The following ZNF704 variants were observed in gnomAD, a reference collection of about 807,000 sequenced individuals.
The protein encoded by ZNF704 is glucocorticoid induced gene 1.
Under a neutral mutation model 44.7 loss-of-function variants are expected in ZNF704, and 10 were observed. The ratio of observed to expected loss-of-function variants is 0.22; its 90% CI spans 0.14 to 0.38. The LOEUF (loss-of-function observed/expected upper bound fraction) is 0.38, where lower values mean the gene tolerates loss of function less well. ZNF704 is among the 10% of genes least tolerant of loss of function. ZNF704 has a pLI of 1.00. For missense variants in ZNF704, 390 were observed against 545.5 expected, an observed-to-expected ratio of 0.71 and a Z score of 2.84; for synonymous variants, 211 against 207.6, an observed-to-expected ratio of 1.02 and a Z score of -0.14.
chr8:80,650,087 C>G (rs906469221), intron 7 of ZNF704, among the ~76,000 whole-genome samples: 1 of 152,210 alleles, frequency 6.6e-6, no homozygotes, highest in African/African-American at 2.4e-5. Flanking sequence ...CTCCAACAGA[C>G]CTGCAGCTGA....
chr8:80,861,991 C>CTTTTTTTTTTTTTTTT (rs71266093), intron 1 of ZNF704, among the ~76,000 whole-genome samples: 1 of 92,996 alleles, frequency 1.1e-5, no homozygotes, highest in African/African-American at 5.4e-5. Context: ...AAAAAATAAC[C>CTTTTTTTTTTTTTTTT]TTTTTTTTTT....
chr8:80,725,532 C>CA (rs1326640994), intron 2 of ZNF704, among the ~76,000 whole-genome samples: 1 of 152,012 alleles, frequency 6.6e-6, no homozygotes, highest in Admixed American at 6.6e-5. Flanking sequence ...TTTGGAGTCT[C>CA]AGATACATAG....
rs976390507 is a variant in ZNF704 at position 80,632,501 on chromosome 8, A to T, written c.*8865T>A. On this transcript the variant is annotated 3_prime_UTR_variant, in exon 9 of 9. Coordinates refer to ENST00000327835, the MANE Select transcript of ZNF704 (RefSeq NM_001033723.3). ...CCACTGCATCTGGCCAATTCTGGTT[A>T]ATTTTCTGAATTAAAAATTTAGGGA... The T allele has an allele frequency of 2.6e-5, 4 of 152,172 alleles. No homozygotes were observed. 9.4% of individuals were successfully genotyped at this position (152,172 alleles called of 1,614,324 possible). A position where few individuals can be genotyped will look rare whatever the true frequency, so the allele number is the denominator to read the frequency against.
chr8:80,782,313 C>T (rs1047213212), intron 2 of ZNF704, among the ~76,000 whole-genome samples: 17 of 152,174 alleles, frequency 1.1e-4, no homozygotes, highest in African/African-American at 3.4e-4. Flanking sequence ...TAATTGTCTG[C>T]ATTTACATTT....
chr8:80,690,731 A>G (rs11993848), intron 3 of ZNF704, among the ~76,000 whole-genome samples: 16,583 of 152,272 alleles, frequency 0.11, 3,051 homozygotes, highest in African/African-American at 0.38. Context: ...GGTGTCGGCT[A>G]GGTATGGTGG....
chr8:80,859,667 A>C (rs888475682), intron 1 of ZNF704, among the ~76,000 whole-genome samples: 5 of 151,750 alleles, frequency 3.3e-5, no homozygotes, highest in Non-Finnish European at 7.4e-5. Flanking sequence ...TTATTTTTAC[A>C]CCGTGTTCTC....
intron 2 of ZNF704, among the ~76,000 whole-genome samples, chr8:80,700,345 A>G (rs1209448751): frequency 6.6e-6 from 1 of 152,216 alleles, no homozygotes. Flanking sequence ...TTTAATCCCC[A>G]AAACCTCCAT....
intron 2 of ZNF704, among the ~76,000 whole-genome samples, chr8:80,722,559 C>T (rs576065336): frequency 8.5e-5 from 13 of 152,242 alleles, no homozygotes; most frequent in Admixed American, 7.2e-4. Context: ...TATTTAAAAG[C>T]AAAAGAAGTA....
intron 5 of ZNF704, among the ~76,000 whole-genome samples, chr8:80,666,914 T>C (rs1818204033): frequency 1.3e-5 from 2 of 151,970 alleles, no homozygotes; most frequent in Admixed American, 1.3e-4. Flanking sequence ...ATTTTGTAGG[T>C]TGCCTGTTCA....
chr8:80,843,154 T>A (rs911661415), intron 1 of ZNF704, among the ~76,000 whole-genome samples: 2 of 152,260 alleles, frequency 1.3e-5, no homozygotes, highest in Non-Finnish European at 2.9e-5. Context: ...GCAAGAAATT[T>A]ATTATTCATT....
chr8:80,720,433 A>G (rs949001921), intron 2 of ZNF704, among the ~76,000 whole-genome samples: 3 of 152,242 alleles, frequency 2.0e-5, no homozygotes, highest in Non-Finnish European at 4.4e-5. Context: ...TTTCAAGACT[A>G]GTTTATGCAA....
chr8:80,873,685 ATCC>A (rs1809301197), intron 1 of ZNF704: 1 of 153,956 alleles, frequency 6.5e-6, no homozygotes, highest in Non-Finnish European at 1.4e-5. Flanking sequence ...CCTCGTCGTC[ATCC>A]TCCTCCTCCG....
chr8:80,845,855 G>A (rs1327516781), intron 1 of ZNF704, among the ~76,000 whole-genome samples: 1 of 152,048 alleles, frequency 6.6e-6, no homozygotes, highest in East Asian at 1.9e-4. Flanking sequence ...ATCATCAAGG[G>A]ACAGGGAAGC....
chr8:80,652,387 T>C (rs1357835087), intron 7 of ZNF704, among the ~76,000 whole-genome samples: 2 of 152,068 alleles, frequency 1.3e-5, no homozygotes, highest in African/African-American at 4.8e-5. Flanking sequence ...GAGCTGTTTT[T>C]TTTAAAAGAT....
rs138692218 is a variant in ZNF704, at chr8:80,862,567, C to A, written c.-22+12004G>T. 7.6e-3 allele frequency among the ~76,000 whole-genome samples: 1,066 copies of A among 140,330 alleles called. 13 individuals are homozygous for A. The highest frequency in any genetic ancestry group is 0.028 in the African/African-American group (988 of 35,060). The allele number at this position is 140,330 out of a possible 152,430, so 92.1% of individuals were successfully genotyped here. On this transcript the variant is annotated intron_variant, in intron 1 of 8. Coordinates refer to ENST00000327835, the MANE Select transcript of ZNF704 (RefSeq NM_001033723.3). The stretch of plus-strand genomic sequence containing the variant: ...CTGAGGGCGAGAGTTCGAGACCAGC[C>A]TGGTCAACATGATGAAAACTTGTCT...
chr8:80,765,691 A>G (rs961671805), intron 2 of ZNF704, among the ~76,000 whole-genome samples: 1 of 152,170 alleles, frequency 6.6e-6, no homozygotes, highest in Admixed American at 6.5e-5. Context: ...TAGGGATTTT[A>G]CAGTTTAGGG....
intron 2 of ZNF704, among the ~76,000 whole-genome samples, chr8:80,761,721 A>G (rs1316031357): frequency 1.3e-5 from 2 of 152,256 alleles, no homozygotes; most frequent in East Asian, 1.9e-4. Context: ...TTGTAAGCAT[A>G]AACACTCAGG....
chr8:80,702,563 A>C (rs1346890533), intron 2 of ZNF704, among the ~76,000 whole-genome samples: 1 of 152,138 alleles, frequency 6.6e-6, no homozygotes, highest in Non-Finnish European at 1.5e-5. Context: ...AGAGAGAGCC[A>C]TAGGTTCTTG....
At chr8:80,644,841 A>C (rs911611524) in intron 7 of ZNF704, 4 of 682,522 alleles carry the variant, frequency 5.9e-6, no homozygotes, top group South Asian at 3.4e-5. Context: ...CAAAGTGAGA[A>C]GCAAGAAGGC....
Sources: gnomAD v4.1 joint callset for allele counts (sites outside exome capture counted in the v4.1 genomes callset) on GRCh38, gnomAD v4.1.1 for gene constraint, MANE v1.5 for transcripts, NCBI Gene and HGNC (gene_info 2026-07-23, HGNC 2026-07-21) for gene names.